Variants in RAD54L2 observed in about 807,000 individuals in gnomAD.
RAD54L2 encodes the protein RAD54 like 2.
In RAD54L2, 27 loss-of-function variants were observed where a neutral mutation model predicts 138.4. The observed-to-expected ratio is 0.20, with a 90% CI of 0.14 to 0.27. The LOEUF is 0.27. RAD54L2 is among the 10% of genes least tolerant of loss of function. The pLI, the probability that RAD54L2 is intolerant of heterozygous loss-of-function variation, is 1.00. For missense variants in RAD54L2, 1,396 were observed against 1,890.2 expected, an observed-to-expected ratio of 0.74 and a Z score of 4.85; for synonymous variants, 644 against 723.2, an observed-to-expected ratio of 0.89 and a Z score of 1.76.
chr3:51,659,447 G>T (rs1320942226), intron 21 of RAD54L2, among the ~76,000 whole-genome samples: 1 of 152,158 alleles, frequency 6.6e-6, no homozygotes, highest in Non-Finnish European at 1.5e-5. Context: ...CTAACTCCTG[G>T]CCTAAAGGCA....
chr3:51,660,339 C>T (rs1325426869), intron 22 of RAD54L2, among the ~76,000 whole-genome samples: 3 of 151,630 alleles, frequency 2.0e-5, no homozygotes, highest in Non-Finnish European at 2.9e-5. Context: ...GACAGGGTCT[C>T]GCTCTGTCGC....
chr3:51,586,694 G>C (rs997994208), intron 2 of RAD54L2, among the ~76,000 whole-genome samples: 1 of 151,088 alleles, frequency 6.6e-6, no homozygotes, highest in African/African-American at 2.4e-5. Context: ...TCAGCGTCCC[G>C]AGTAGCTGGG....
At chr3:51,596,510 G>A (rs1284886741) in intron 3 of RAD54L2, among the ~76,000 whole-genome samples, 1 of 152,086 alleles carries the variant, frequency 6.6e-6, no homozygotes, top group Non-Finnish European at 1.5e-5. Context: ...TGTTTAACAA[G>A]AGCTTCATGT....
intron 13 of RAD54L2, 52 bp downstream of exon 13, chr3:51,639,722 G>A (rs937281907): frequency 1.9e-6 from 3 of 1,599,400 alleles, no homozygotes; most frequent in Non-Finnish European, 2.6e-6. Flanking sequence ...AGAAGGGATG[G>A]TGCAAGCCCT....
chr3:51,613,428 C>A (rs551692283), intron 3 of RAD54L2, among the ~76,000 whole-genome samples: 1 of 152,216 alleles, frequency 6.6e-6, no homozygotes, highest in African/African-American at 2.4e-5. Flanking sequence ...TGAGCAGAGT[C>A]AAAATTAATT....
chr3:51,568,297 C>G (rs891444372), intron 2 of RAD54L2, among the ~76,000 whole-genome samples: 2 of 152,118 alleles, frequency 1.3e-5, no homozygotes, highest in Admixed American at 6.6e-5. Context: ...AGCTCCTCAT[C>G]CTGTCCTTTT....
At chr3:51,647,911 A>G (rs1229805446) in intron 19 of RAD54L2, among the ~76,000 whole-genome samples, 2 of 152,112 alleles carry the variant, frequency 1.3e-5, no homozygotes, top group African/African-American at 4.8e-5. Flanking sequence ...TGCATTTCCA[A>G]CTGAGGTACC....
At chr3:51,607,796 C>T (rs573010880) in intron 3 of RAD54L2, among the ~76,000 whole-genome samples, 4 of 143,312 alleles carry the variant, frequency 2.8e-5, no homozygotes, top group Non-Finnish European at 6.1e-5. Context: ...GATGGGGTGG[C>T]GGCCGGGCAG....
rs111577011 is a variant in RAD54L2, at chr3:51,548,220, G to A, written c.-55+6570G>A. Among the ~76,000 whole-genome samples the A allele has an allele frequency of 6.5e-3, 935 of 143,144 alleles. 7 individuals carry two copies. Among genetic ancestry groups the A allele is most frequent in the African/African-American group, 0.023 (880 of 38,346 alleles). The allele number at this position is 143,144 out of a possible 152,430, so 93.9% of individuals were successfully genotyped here. Reference sequence around the variant, plus strand: ...TTTCTTTTTTTTGAGACAGAGTCTTGCTCTGTCGCCCAGGCTGGAGTGCAG... The same window carrying A: ...TTTCTTTTTTTTGAGACAGAGTCTTACTCTGTCGCCCAGGCTGGAGTGCAG... On this transcript the variant is annotated intron_variant, in intron 2 of 22. Transcript: ENST00000684192.
At chr3:51,621,535 C>G (rs1016497617) in intron 3 of RAD54L2, among the ~76,000 whole-genome samples, 1 of 152,184 alleles carries the variant, frequency 6.6e-6, no homozygotes, top group Non-Finnish European at 1.5e-5. Context: ...CTCCCGGGAA[C>G]AGCCCATTCC....
chr3:51,540,456 C>T lies in RAD54L2; in HGVS notation c.-116-1133C>T, dbSNP rs141844104. Among the ~76,000 whole-genome samples the T allele has an allele frequency of 9.4e-3, 1,435 of 152,326 alleles. 25 individuals carry two copies. The highest frequency in any genetic ancestry group is 0.032 in the African/African-American group (1,316 of 41,566). ...CAATCTATATCATTGAAAGACAGTA[C>T]GCAAACTCCAACTCTGAGGCCTGCA... On this transcript the variant is annotated intron_variant, in intron 1 of 22. Coordinates refer to ENST00000684192, the MANE Select transcript of RAD54L2 (RefSeq NM_015106.4).
chr3:51,649,591 T>C lies in RAD54L2; in HGVS notation c.3026+3110T>C, dbSNP rs555229032. Among the ~76,000 whole-genome samples, 784 of 152,296 alleles carry C rather than the reference T, an allele frequency of 5.1e-3. 21 individuals are homozygous for C. The highest frequency in any genetic ancestry group is 0.036 in the Admixed American group (548 of 15,294). On this transcript the variant is annotated intron_variant, in intron 19 of 22. Coordinates refer to ENST00000684192, the MANE Select transcript of RAD54L2 (RefSeq NM_015106.4). ...AAAGGGAAGCCCATCAGACTAACAG[T>C]GGATCTCTTGGCAGAAACTCTACAA... is the stretch of plus-strand genomic sequence containing the variant.
At chr3:51,657,728 G>A (rs1366387013) in intron 21 of RAD54L2, 59 bp downstream of exon 21, 1 of 1,217,864 alleles carries the variant, frequency 8.2e-7, no homozygotes, top group African/African-American at 1.5e-5. Context: ...GGGCTGGGAA[G>A]AAGAATAAAT....
intron 3 of RAD54L2, among the ~76,000 whole-genome samples, chr3:51,609,247 C>A (rs1700276097): frequency 6.6e-6 from 1 of 152,200 alleles, no homozygotes; most frequent in Non-Finnish European, 1.5e-5. Flanking sequence ...TACTCTCCAG[C>A]TTTTTGCATT....
chr3:51,549,418 G>A (rs1422645707), intron 2 of RAD54L2, among the ~76,000 whole-genome samples: 1 of 152,164 alleles, frequency 6.6e-6, no homozygotes, highest in Non-Finnish European at 1.5e-5. Context: ...CGGCAATTGA[G>A]GCCCATGAAA....
intron 14 of RAD54L2, among the ~76,000 whole-genome samples, chr3:51,641,317 CTT>C (rs1377445107): frequency 1.5e-5 from 2 of 129,670 alleles, no homozygotes; most frequent in Admixed American, 7.8e-5. Context: ...GAGTTACCCC[CTT>C]TTTTTTTTTT....
At chr3:51,610,013 G>A (rs2106756077) in intron 3 of RAD54L2, among the ~76,000 whole-genome samples, 1 of 152,026 alleles carries the variant, frequency 6.6e-6, no homozygotes, top group South Asian at 2.1e-4. Flanking sequence ...GCAGGCGCCT[G>A]TAGTCCCAGC....
chr3:51,606,085 G>C (rs1164550851), intron 3 of RAD54L2, among the ~76,000 whole-genome samples: 3 of 152,230 alleles, frequency 2.0e-5, no homozygotes, highest in Admixed American at 2.0e-4. Flanking sequence ...CCATCGAGCA[G>C]AAGCTGTGTG....
Position 51,638,195 on chromosome 3 carries a change from G to T in RAD54L2, c.1734G>T (p.Val578=). Residue 578 remains valine, a synonymous_variant, in exon 12 of 23, where the codon GTG becomes GTT. Coordinates refer to ENST00000684192, the MANE Select transcript of RAD54L2 (RefSeq NM_015106.4). This position sits in a 1 kb window ranked among gnomAD's most constrained non-coding sequence, Gnocchi z 4.3. ...ATCTCCCTGCCAAGGAAGAAAATGT[G>T]ATCCTTGTGCGGCTCTCCAAGATCC... ...KIHLPAKEEN[V]ILVRLSKIQR... 1 of 1,614,002 alleles carries T rather than the reference G, an allele frequency of 6.2e-7. No homozygotes were observed. The highest frequency in any genetic ancestry group is 8.5e-7 in the Non-Finnish European group (1 of 1,179,884).
Sources: allele counts gnomAD v4.1 joint callset (sites outside exome capture counted in the v4.1 genomes callset), GRCh38; gene constraint gnomAD v4.1.1; non-coding constraint Gnocchi (gnomAD v3.1); transcripts MANE v1.5; gene names NCBI Gene and HGNC (gene_info 2026-07-23, HGNC 2026-07-21).